CHST6: variants seen among roughly 807,000 people sequenced by gnomAD.
CHST6 encodes the protein N-acetylglucosamine 6-O-sulfotransferase 5.
For synonymous variants in CHST6, 309 were observed against 276.4 expected (o/e 1.12, Z -1.17); for missense variants, 698 against 586.2 (o/e 1.19, Z -1.97).
chr16:75,474,985 G>T lies in CHST6; in HGVS notation c.*3656C>A, dbSNP rs2080051726. On this transcript the variant is annotated 3_prime_UTR_variant, in exon 3 of 3. Transcript: ENST00000332272. Reference sequence around the variant, plus strand: ...TAATTTTTGTATTTTAACTAGAAATGGTGTTTTACCTTGTTGGCCAGGCTG... The same window carrying T: ...TAATTTTTGTATTTTAACTAGAAATTGTGTTTTACCTTGTTGGCCAGGCTG... 1 of 270,992 alleles carries T rather than the reference G, an allele frequency of 3.7e-6. No individual in the cohort carries two copies. 16.8% of individuals were successfully genotyped at this position (270,992 alleles called of 1,614,324 possible).
intron 1 of CHST6, chr16:75,490,607 T>C (rs572563156): frequency 6.6e-6 from 1 of 152,222 alleles, no homozygotes; most frequent in East Asian, 1.9e-4. Flanking sequence ...AAATAATATA[T>C]AATTACAAGT....
At chr16:75,491,165 TAAAAAAAAAAA>T (rs1168619782) in intron 1 of CHST6, among the ~76,000 whole-genome samples, 172 of 26,348 alleles carry the variant, frequency 6.5e-3, no homozygotes, top group African/African-American at 0.018. Flanking sequence ...AACTCCGTCT[TAAAAAAAAAAA>T]AAAAAAAAAA....
intron 1 of CHST6, among the ~76,000 whole-genome samples, chr16:75,492,593 A>G (rs1438450299): frequency 6.6e-6 from 1 of 152,252 alleles, no homozygotes; most frequent in East Asian, 1.9e-4. Context: ...TCACGCCTGT[A>G]ATCCCAGCAC....
rs2080044088 is a variant in CHST6 at position 75,474,294 on chromosome 16, G to C, written c.*4347C>G. 1 of 310,656 alleles carries C rather than the reference G, an allele frequency of 3.2e-6. No individual in the cohort carries two copies. The allele number at this position is 310,656 out of a possible 1,614,324, so 19.2% of individuals were successfully genotyped here. ...CCACAGATGGGGTCATTTATTTAGAGATAGGTGTCTTGCTCTGTCACTCAG... is the reference window on the plus strand; with the variant it reads ...CCACAGATGGGGTCATTTATTTAGACATAGGTGTCTTGCTCTGTCACTCAG... On this transcript the variant is annotated 3_prime_UTR_variant, in exon 3 of 3. Transcript: ENST00000332272.
intron 1 of CHST6, among the ~76,000 whole-genome samples, chr16:75,489,953 G>A (rs2080238327): frequency 6.6e-6 from 1 of 151,896 alleles, no homozygotes; most frequent in Non-Finnish European, 1.5e-5. Flanking sequence ...GAGGTGTGTG[G>A]ATCACCTGAG....
intron 1 of CHST6, among the ~76,000 whole-genome samples, chr16:75,487,805 CTA>C (rs2080216466): frequency 8.9e-6 from 1 of 112,610 alleles, no homozygotes; most frequent in Non-Finnish European, 1.9e-5. Flanking sequence ...TCCGTCCCCC[CTA>C]AAAAAAAAAA....
chr16:75,482,049 G>A (rs945816334), intron 1 of CHST6, among the ~76,000 whole-genome samples, 158 bp from the exon 2 acceptor site: 2 of 152,186 alleles, frequency 1.3e-5, no homozygotes, highest in Non-Finnish European at 2.9e-5. Flanking sequence ...CACCTATGAA[G>A]AGGGGGCCTG....
intron 1 of CHST6, among the ~76,000 whole-genome samples, chr16:75,485,636 T>C (rs1161061867): frequency 6.6e-6 from 1 of 152,142 alleles, no homozygotes; most frequent in Non-Finnish European, 1.5e-5. Context: ...AAAGAAAAAT[T>C]TAAAAGATGT....
At chr16:75,480,516 A>C (rs2080128416) in intron 2 of CHST6, among the ~76,000 whole-genome samples, 1 of 152,136 alleles carries the variant, frequency 6.6e-6, no homozygotes, top group Non-Finnish European at 1.5e-5. Context: ...GACATGTAGT[A>C]ATGTCCCTAA....
intron 1 of CHST6, among the ~76,000 whole-genome samples, chr16:75,491,796 C>T (rs545105735): frequency 6.2e-4 from 95 of 152,322 alleles, no homozygotes; most frequent in Non-Finnish European, 1.2e-3. Flanking sequence ...TTGTCTTTGT[C>T]CAGCTATCAC....
At chr16:75,486,245 G>A (rs183237698) in intron 1 of CHST6, among the ~76,000 whole-genome samples, 3 of 152,310 alleles carry the variant, frequency 2.0e-5, no homozygotes, top group East Asian at 1.9e-4. Context: ...TGAGCAACCC[G>A]GAACTTTGGA....
At chr16:75,484,227 C>T (rs1241786832) in intron 1 of CHST6, among the ~76,000 whole-genome samples, 1 of 151,968 alleles carries the variant, frequency 6.6e-6, no homozygotes, top group African/African-American at 2.4e-5. Flanking sequence ...GTCCCAGCTA[C>T]TCGGGAGGCT....
At chr16:75,494,667 C>T (rs1263160206) in intron 1 of CHST6, among the ~76,000 whole-genome samples, 2 of 152,246 alleles carry the variant, frequency 1.3e-5, no homozygotes, top group Non-Finnish European at 2.9e-5. Context: ...AAAGTCATGT[C>T]CTTTGAAACT....
chr16:75,491,562 G>A (rs985078312), intron 1 of CHST6, among the ~76,000 whole-genome samples: 3 of 151,910 alleles, frequency 2.0e-5, no homozygotes, highest in Non-Finnish European at 4.4e-5. Context: ...AGTAGAGACC[G>A]GGTTTCACCG....
intron 1 of CHST6, among the ~76,000 whole-genome samples, chr16:75,489,994 T>C (rs960652119): frequency 4.7e-5 from 7 of 149,280 alleles, no homozygotes; most frequent in African/African-American, 1.7e-4. Flanking sequence ...CTGGCCAACA[T>C]GGTGAAACCC....
At chr16:75,488,149 T>A (rs1597482237) in intron 1 of CHST6, among the ~76,000 whole-genome samples, 1 of 152,190 alleles carries the variant, frequency 6.6e-6, no homozygotes, top group African/African-American at 2.4e-5. Context: ...TAGAGTTGGC[T>A]GGAGGTCATC....
In CHST6 at chr16:75,479,864, C is replaced by T. The variant is rs772547036; in HGVS notation, c.-16-20G>A. 2.6e-6 allele frequency: 4 copies of T among 1,534,896 alleles called. No homozygotes were observed. Among genetic ancestry groups the T allele is most frequent in the East Asian group, 2.4e-5 (1 of 40,982 alleles). On this transcript the variant is annotated intron_variant, in intron 2 of 2. Transcript: ENST00000332272. ...GGGGGCCTTAGGGAGGAGAGCGCAGCGGTTAGGGGCTGCAGCCTGCACGCC... is the reference window on the plus strand; with the variant it reads ...GGGGGCCTTAGGGAGGAGAGCGCAGTGGTTAGGGGCTGCAGCCTGCACGCC...
intron 1 of CHST6, among the ~76,000 whole-genome samples, chr16:75,489,260 G>C (rs554504356): frequency 1.1e-4 from 16 of 151,650 alleles, no homozygotes; most frequent in African/African-American, 3.9e-4. Flanking sequence ...TTAGCTAGGC[G>C]TGGTGGTGCA....
At chr16:75,481,782 G>T in intron 2 of CHST6, 35 bp downstream of exon 2, 1 of 482,414 alleles carries the variant, frequency 2.1e-6, no homozygotes, top group Non-Finnish European at 4.2e-6. Flanking sequence ...AGAGGTGAGA[G>T]CAGAGGACTG....
Sources: allele counts gnomAD v4.1 joint callset (sites outside exome capture counted in the v4.1 genomes callset), GRCh38; gene constraint gnomAD v4.1.1; transcripts MANE v1.5; gene names NCBI Gene and HGNC (gene_info 2026-07-23, HGNC 2026-07-21).